IFT43: variants seen among roughly 807,000 people sequenced by gnomAD.
IFT43 encodes intraflagellar transport 43, also known as intraflagellar transport protein 43 homolog.
A neutral mutation model predicts 32.3 loss-of-function variants in IFT43; 33 were observed. That is an observed-to-expected ratio of 1.02 (90% CI 0.77 to 1.37). The LOEUF (loss-of-function observed/expected upper bound fraction) is 1.37, where lower values mean the gene tolerates loss of function less well. Among genes scored for constraint, IFT43 ranks in the 40% most tolerant of loss-of-function variants. The pLI is 0.00. For synonymous variants in IFT43, 93 were observed against 98.2 expected (o/e 0.95, Z 0.31); for missense variants, 274 against 265.9 (o/e 1.03, Z -0.21).
At chr14:76,029,242 T>A (rs1245255033) in intron 3 of IFT43, among the ~76,000 whole-genome samples, 1 of 152,278 alleles carries the variant, frequency 6.6e-6, no homozygotes, top group African/African-American at 2.4e-5. Flanking sequence ...TTCATATGTT[T>A]GTTGGCTGCT....
In IFT43 at chr14:75,998,702, G is replaced by A. The variant is rs117083949; in HGVS notation, c.147+9725G>A. Reference sequence around the variant, plus strand: ...GGTCCTATTGGATTTAGCAGCAGGGGTCCCTGCAATTTCAGGGAGCAGTCA... The same window carrying A: ...GGTCCTATTGGATTTAGCAGCAGGGATCCCTGCAATTTCAGGGAGCAGTCA... On this transcript the variant is annotated intron_variant, in intron 2 of 8. Coordinates refer to ENST00000314067, the MANE Select transcript of IFT43 (RefSeq NM_001102564.3). Among the ~76,000 whole-genome samples, 20 of 152,296 alleles carry A rather than the reference G, an allele frequency of 1.3e-4. No individual in the cohort carries two copies. The East Asian group carries it at 1.4e-3, about 10-fold the overall frequency.
At chr14:76,035,659 G>A (rs755233984) in intron 3 of IFT43, among the ~76,000 whole-genome samples, 6 of 152,212 alleles carry the variant, frequency 3.9e-5, no homozygotes, top group African/African-American at 7.2e-5. Flanking sequence ...GCAAACATAC[G>A]TTCTGTCCTT....
intron 6 of IFT43, 39 bp downstream of exon 6, chr14:76,082,406 C>T (rs757334261): frequency 2.8e-5 from 37 of 1,337,434 alleles, no homozygotes; most frequent in South Asian, 1.2e-5. Context: ...GCAAAGAACA[C>T]GTGAATTAAT....
chr14:76,005,838 T>C (rs1377394888), intron 2 of IFT43, among the ~76,000 whole-genome samples: 2 of 152,242 alleles, frequency 1.3e-5, no homozygotes, highest in African/African-American at 4.8e-5. Flanking sequence ...CTCTCCAGTA[T>C]CTTCTAATAG....
chr14:75,985,998 C>G, intron 1 of IFT43, 158 bp downstream of exon 1: 2 of 1,526,870 alleles, frequency 1.3e-6, no homozygotes, highest in Non-Finnish European at 1.8e-6. Flanking sequence ...CGCCCCCAGG[C>G]CACTGTGGGC....
At chr14:76,048,452 C>T (rs1170423249) in intron 3 of IFT43, among the ~76,000 whole-genome samples, 3 of 152,192 alleles carry the variant, frequency 2.0e-5, no homozygotes, top group Non-Finnish European at 2.9e-5. Flanking sequence ...TAAATGATCT[C>T]CTTGTTCTCC....
chr14:75,991,347 T>C (rs1049923113), intron 2 of IFT43, among the ~76,000 whole-genome samples: 1 of 145,046 alleles, frequency 6.9e-6, no homozygotes, highest in African/African-American at 2.7e-5. Flanking sequence ...TAATTAACAA[T>C]AAGAGTATAT....
At chr14:76,069,253 T>C (rs1316758304) in intron 5 of IFT43, among the ~76,000 whole-genome samples, 1 of 152,074 alleles carries the variant, frequency 6.6e-6, no homozygotes, top group Non-Finnish European at 1.5e-5. Flanking sequence ...CAGAATTCAC[T>C]ATCTCGAGGA....
intron 2 of IFT43, among the ~76,000 whole-genome samples, chr14:75,998,300 C>T (rs992141262): frequency 6.6e-6 from 1 of 152,134 alleles, no homozygotes; most frequent in Non-Finnish European, 1.5e-5. Context: ...ATTCAACCTG[C>T]AGGAAATGCC....
intron 2 of IFT43, among the ~76,000 whole-genome samples, chr14:76,021,763 G>C (rs1036516290): frequency 6.6e-6 from 1 of 152,168 alleles, no homozygotes; most frequent in Non-Finnish European, 1.5e-5. Context: ...AAAAGTATGA[G>C]CATTTTTAAG....
At chr14:76,029,596 C>G (rs1038104542) in intron 3 of IFT43, among the ~76,000 whole-genome samples, 3 of 152,070 alleles carry the variant, frequency 2.0e-5, no homozygotes, top group Non-Finnish European at 4.4e-5. Flanking sequence ...AGTTCGAGAT[C>G]TTACATTTAA....
At chr14:76,067,231 C>T (rs906342680) in intron 5 of IFT43, among the ~76,000 whole-genome samples, 1 of 152,146 alleles carries the variant, frequency 6.6e-6, no homozygotes, top group African/African-American at 2.4e-5. Flanking sequence ...GCACTTTCTC[C>T]ATCCATTGAT....
At chr14:76,083,894 C>G (rs866328918), downstream of IFT43, 6 of 510,542 alleles carry the variant, frequency 1.2e-5, no homozygotes, top group African/African-American at 3.8e-5. Context: ...GTGGGCACTC[C>G]TACTGAAAGC....
intron 2 of IFT43, among the ~76,000 whole-genome samples, chr14:76,007,863 G>C (rs1477333228): frequency 6.6e-6 from 1 of 152,158 alleles, no homozygotes; most frequent in South Asian, 2.1e-4. Flanking sequence ...GACCCAAAAG[G>C]ATGTAATTGA....
chr14:76,034,165 G>A (rs186334447), intron 3 of IFT43, among the ~76,000 whole-genome samples: 3 of 152,274 alleles, frequency 2.0e-5, no homozygotes, highest in East Asian at 1.9e-4. Flanking sequence ...ACAAGTTACC[G>A]TATATGGGGA....
At chr14:76,035,233 G>T (rs945087745) in intron 3 of IFT43, among the ~76,000 whole-genome samples, 4 of 152,144 alleles carry the variant, frequency 2.6e-5, no homozygotes, top group Non-Finnish European at 5.9e-5. Context: ...GAGTGGAATT[G>T]TCACAATATA....
chr14:76,021,117 A>G (rs1015179683), intron 2 of IFT43, among the ~76,000 whole-genome samples: 2 of 151,890 alleles, frequency 1.3e-5, no homozygotes, highest in South Asian at 2.1e-4. Context: ...CCCCTGGGTC[A>G]TGTGTGTGCT....
intron 5 of IFT43, among the ~76,000 whole-genome samples, chr14:76,064,051 G>A (rs1362044864): frequency 6.6e-6 from 1 of 152,040 alleles, no homozygotes; most frequent in African/African-American, 2.4e-5. Flanking sequence ...TGGAAGAGTC[G>A]TCATTAGAGG....
At chr14:76,070,550 C>G (rs1016589757) in intron 5 of IFT43, among the ~76,000 whole-genome samples, 2 of 152,152 alleles carry the variant, frequency 1.3e-5, no homozygotes, top group Non-Finnish European at 2.9e-5. Context: ...CTTGGCCTCC[C>G]TAATTTTTAA....
Sources: gnomAD v4.1 joint callset for allele counts (sites outside exome capture counted in the v4.1 genomes callset) on GRCh38, gnomAD v4.1.1 for gene constraint, MANE v1.5 for transcripts, NCBI Gene and HGNC (gene_info 2026-07-23, HGNC 2026-07-21) for gene names.